The following WASF1 variants were observed in gnomAD, a reference collection of about 807,000 sequenced individuals.
WASF1 encodes WASP family member 1, also known as actin-binding protein WASF1.
WASF1 carries 7 observed loss-of-function variants against 50.5 expected under a neutral mutation model. The ratio of observed to expected loss-of-function variants is 0.14; its 90% CI spans 0.08 to 0.26. The LOEUF (loss-of-function observed/expected upper bound fraction) is 0.26, where lower values mean the gene tolerates loss of function less well. Among genes scored for constraint, WASF1 ranks in the 10% least tolerant of loss-of-function variants. WASF1 has a pLI of 1.00. For missense variants in WASF1, 470 were observed against 694.7 expected (o/e 0.68, Z 3.64); for synonymous variants, 205 against 244.0 (o/e 0.84, Z 1.49).
chr6:110,127,182 G>C (rs897402356), intron 4 of WASF1, among the ~76,000 whole-genome samples: 1 of 152,014 alleles, frequency 6.6e-6, no homozygotes, highest in Non-Finnish European at 1.5e-5. Context: ...TACAACTCTG[G>C]TCCTTTCGCA....
intron 9 of WASF1, 78 bp from the exon 10 acceptor site, chr6:110,102,294 A>G: frequency 1.5e-6 from 2 of 1,309,158 alleles, no homozygotes; most frequent in Non-Finnish European, 2.0e-6. Context: ...CAAACTATAA[A>G]TGACTATCAG....
chr6:110,144,604 G>A (rs1353878751), intron 3 of WASF1, among the ~76,000 whole-genome samples: 10 of 152,024 alleles, frequency 6.6e-5, no homozygotes, highest in Admixed American at 1.3e-4. Flanking sequence ...TAGGTCTAAC[G>A]TGTAAGTCTT....
chr6:110,155,536 CTTTTTT>C (rs66645132), intron 3 of WASF1, among the ~76,000 whole-genome samples: 40 of 45,972 alleles, frequency 8.7e-4, no homozygotes, highest in African/African-American at 2.1e-3. Context: ...AAAGTGCCTT[CTTTTTT>C]TTTTTTTTTT....
chr6:110,137,167 TGCAAC>T (rs1775006865), intron 3 of WASF1, among the ~76,000 whole-genome samples: 1 of 152,206 alleles, frequency 6.6e-6, no homozygotes, highest in Non-Finnish European at 1.5e-5. Context: ...GCTATGCATA[TGCAAC>T]TGACTTCTAG....
chr6:110,158,388 G>A (rs983726695), intron 3 of WASF1, among the ~76,000 whole-genome samples: 1 of 123,034 alleles, frequency 8.1e-6, no homozygotes, highest in Non-Finnish European at 1.7e-5. Context: ...TATTTCTGTG[G>A]GATCGGTGGT....
At chr6:110,141,212 A>G (rs1415752688) in intron 3 of WASF1, among the ~76,000 whole-genome samples, 1 of 152,122 alleles carries the variant, frequency 6.6e-6, no homozygotes, top group Non-Finnish European at 1.5e-5. Flanking sequence ...TTGTCAGGGT[A>G]AAGTCCAAAC....
chr6:110,115,140 G>C (rs984719854), intron 4 of WASF1, among the ~76,000 whole-genome samples: 4 of 144,802 alleles, frequency 2.8e-5, no homozygotes, highest in African/African-American at 1.0e-4. Flanking sequence ...AAAAGAAAAA[G>C]AAAAAAATTG....
intron 2 of WASF1, among the ~76,000 whole-genome samples, chr6:110,164,453 G>T (rs1584026936): frequency 6.6e-6 from 1 of 151,616 alleles, no homozygotes; most frequent in East Asian, 1.9e-4. Context: ...ATAAGCATAT[G>T]AAAAGATGCT....
chr6:110,143,782 T>A (rs1775385920), intron 3 of WASF1, among the ~76,000 whole-genome samples: 1 of 152,202 alleles, frequency 6.6e-6, no homozygotes, highest in Admixed American at 6.5e-5. Flanking sequence ...TAATTTACGA[T>A]CATTTAAAGG....
At chr6:110,141,781 T>C (rs1775251387) in intron 3 of WASF1, among the ~76,000 whole-genome samples, 1 of 152,002 alleles carries the variant, frequency 6.6e-6, no homozygotes, top group Non-Finnish European at 1.5e-5. Context: ...TCTTTTTTTT[T>C]TTTTCTTTGA....
chr6:110,132,700 TC>T (rs147110450), intron 3 of WASF1, among the ~76,000 whole-genome samples: 2,926 of 151,842 alleles, frequency 0.019, 90 homozygotes, highest in African/African-American at 0.067. Flanking sequence ...TCACCCTTTC[TC>T]CCAAGTCCCC....
intron 1 of WASF1, among the ~76,000 whole-genome samples, chr6:110,179,135 G>A (rs1457471859): frequency 6.6e-6 from 1 of 152,168 alleles, no homozygotes; most frequent in Non-Finnish European, 1.5e-5. Context: ...AAGCCCGGGC[G>A]GTGGCACCTC....
chr6:110,128,530 A>C (rs141505268), intron 3 of WASF1, among the ~76,000 whole-genome samples: 134 of 152,356 alleles, frequency 8.8e-4, no homozygotes, highest in African/African-American at 3.1e-3. Flanking sequence ...ACTGATCAAA[A>C]AGTTCAACCA....
chr6:110,133,282 C>A (rs1258749198), intron 3 of WASF1, among the ~76,000 whole-genome samples: 1 of 152,036 alleles, frequency 6.6e-6, no homozygotes, highest in African/African-American at 2.4e-5. Flanking sequence ...TTTGCAATTA[C>A]AAATTGTGCT....
At chr6:110,144,670 CT>C (rs1775452630) in intron 3 of WASF1, among the ~76,000 whole-genome samples, 1 of 152,132 alleles carries the variant, frequency 6.6e-6, no homozygotes, top group Non-Finnish European at 1.5e-5. Context: ...CCAGTTTCAG[CT>C]TTCTACATAT....
intron 2 of WASF1, among the ~76,000 whole-genome samples, chr6:110,165,919 T>C (rs566472827): frequency 6.6e-6 from 1 of 151,846 alleles, no homozygotes; most frequent in South Asian, 2.1e-4. Flanking sequence ...TTTATGTTCC[T>C]GGCAAGATGC....
At chr6:110,107,268 A>G in intron 6 of WASF1, 74 bp from the exon 7 acceptor site, 1 of 990,118 alleles carries the variant, frequency 1.0e-6, no homozygotes, top group Non-Finnish European at 1.5e-6. Context: ...ATTTCACTAA[A>G]ATGTTTATCC....
At chr6:110,115,431 C>A (rs1773760163) in intron 4 of WASF1, among the ~76,000 whole-genome samples, 1 of 152,218 alleles carries the variant, frequency 6.6e-6, no homozygotes, top group African/African-American at 2.4e-5. Context: ...CAATGAGAAT[C>A]CTTTTTCTGG....
At chr6:110,152,372 C>A (rs988883280) in intron 3 of WASF1, among the ~76,000 whole-genome samples, 1 of 152,142 alleles carries the variant, frequency 6.6e-6, no homozygotes, top group African/African-American at 2.4e-5. Flanking sequence ...CAAAAACTTA[C>A]TCTGGTTAAC....
Sources: allele counts gnomAD v4.1 joint callset (sites outside exome capture counted in the v4.1 genomes callset), GRCh38; gene constraint gnomAD v4.1.1; transcripts MANE v1.5; gene names NCBI Gene and HGNC (gene_info 2026-07-23, HGNC 2026-07-21).